Variants in TPO observed in about 807,000 individuals in gnomAD.
TPO encodes thyroid microsomal antigen.
TPO carries 78 observed loss-of-function variants against 96.9 expected under a neutral mutation model. The ratio of observed to expected loss-of-function variants is 0.81; its 90% CI spans 0.67 to 0.97. The LOEUF is 0.97. Among genes scored for constraint, TPO ranks in the 50% least tolerant of loss-of-function variants. TPO has a pLI of 0.00. For synonymous variants in TPO, 547 were observed against 538.0 expected (o/e 1.02, Z -0.23); for missense variants, 1,252 against 1,274.8 (o/e 0.98, Z 0.27).
chr2:1,453,086 C>T (rs943475765), intron 5 of TPO, among the ~76,000 whole-genome samples: 2 of 151,570 alleles, frequency 1.3e-5, no homozygotes, highest in Non-Finnish European at 2.9e-5. Context: ...ACAACTGACT[C>T]TCTCTCTCTC....
upstream of TPO, among the ~76,000 whole-genome samples, chr2:1,409,957 G>T (rs1662304130): frequency 7.2e-6 from 1 of 139,732 alleles, no homozygotes; most frequent in Non-Finnish European, 1.6e-5. Flanking sequence ...GCGGTGGGGG[G>T]CAGGTGTGGT....
chr2:1,447,428 A>G (rs536170637), intron 5 of TPO, among the ~76,000 whole-genome samples: 2 of 152,326 alleles, frequency 1.3e-5, no homozygotes, highest in Admixed American at 1.3e-4. Context: ...ACCAGTGTAC[A>G]TCTTACATGT....
At chr2:1,376,829 T>C (rs1661728765) in intron 1 of TPO, among the ~76,000 whole-genome samples, 1 of 152,170 alleles carries the variant, frequency 6.6e-6, no homozygotes, top group East Asian at 1.9e-4. Flanking sequence ...GCTAAACAAA[T>C]GTAAATAATT....
intron 15 of TPO, among the ~76,000 whole-genome samples, chr2:1,535,859 C>T: frequency 1.8e-5 from 1 of 55,662 alleles, no homozygotes; most frequent in Non-Finnish European, 2.7e-5. Flanking sequence ...CTCCCCGAAT[C>T]CCCCCAACTT....
At chr2:1,528,344 C>A (rs1347467950) in intron 15 of TPO, among the ~76,000 whole-genome samples, 1 of 137,636 alleles carries the variant, frequency 7.3e-6, no homozygotes, top group Non-Finnish European at 1.5e-5. Flanking sequence ...AGTCTGCAAC[C>A]CCCCAAGTCC....
At chr2:1,439,145 C>T (rs1208312951) in intron 5 of TPO, 1 of 348,786 alleles carries the variant, frequency 2.9e-6, no homozygotes, top group Non-Finnish European at 5.2e-6. Context: ...CTGAAAGGCC[C>T]TGCTGCTGTC....
At chr2:1,398,390 G>A (rs2148369685) in intron 1 of TPO, among the ~76,000 whole-genome samples, 1 of 152,246 alleles carries the variant, frequency 6.6e-6, no homozygotes, top group Non-Finnish European at 1.5e-5. Flanking sequence ...TTTCAATCAG[G>A]CCATCTCCCC....
intron 7 of TPO, among the ~76,000 whole-genome samples, chr2:1,464,211 T>C (rs943265114): frequency 9.9e-5 from 15 of 152,174 alleles, no homozygotes; most frequent in African/African-American, 3.4e-4. Context: ...ACCAGGTCTC[T>C]GCAAATGCCA....
intron 7 of TPO, among the ~76,000 whole-genome samples, chr2:1,458,229 G>A (rs894738012): frequency 2.0e-5 from 3 of 151,762 alleles, no homozygotes; most frequent in Non-Finnish European, 4.4e-5. Flanking sequence ...TACTGTGTGG[G>A]CACATGTGTA....
rs540188291 is a variant in TPO, at chr2:1,383,827, G to T, written n.180+9425G>T. 1.3e-4 allele frequency among the ~76,000 whole-genome samples: 20 copies of T among 151,908 alleles called. No homozygotes were observed. The South Asian group carries it at 4.0e-3, about 30-fold the overall frequency. ...CTATGTCCTGAATGGTATTGCCTAG[G>T]TTTTCTTCTAGGTTTTCTTCTAGGT... On this transcript the variant is annotated intron_variant and non_coding_transcript_variant, in intron 1 of 5. Transcript: ENST00000497517.
intron 7 of TPO, among the ~76,000 whole-genome samples, chr2:1,466,064 C>T (rs1668865004): frequency 6.6e-6 from 1 of 152,126 alleles, no homozygotes; most frequent in Non-Finnish European, 1.5e-5. Context: ...TGAGCTATTT[C>T]CCTTGTATGC....
intron 13 of TPO, among the ~76,000 whole-genome samples, chr2:1,497,674 A>G (rs1446890325): frequency 6.6e-6 from 1 of 152,110 alleles, no homozygotes; most frequent in Non-Finnish European, 1.5e-5. Context: ...CTCACCAGCA[A>G]TCTTTAGAAG....
intron 15 of TPO, among the ~76,000 whole-genome samples, chr2:1,538,644 G>A (rs1236114240): frequency 2.6e-5 from 4 of 152,164 alleles, no homozygotes; most frequent in Non-Finnish European, 5.9e-5. Context: ...GACATGCTCT[G>A]TTAAGACATG....
Position 1,485,446 on chromosome 2 carries a change from G to C in TPO, c.1597+592G>C, listed in dbSNP as rs376700949. The stretch of plus-strand genomic sequence containing the variant: ...AGTAATTGGATCGCTGGGTCAAATG[G>C]TATTTCTAGTTCTAGATGCTTGAGG... On this transcript the variant is annotated intron_variant, in intron 9 of 16. Transcript: ENST00000329066. Among the ~76,000 whole-genome samples, 13 of 152,104 alleles carry C rather than the reference G, an allele frequency of 8.5e-5. No individual in the cohort carries two copies. In the East Asian group the frequency reaches 1.7e-3, roughly 20 times the overall value.
At chr2:1,411,792 C>T (rs141020792), upstream of TPO, among the ~76,000 whole-genome samples, 165 of 152,326 alleles carry the variant, frequency 1.1e-3, no homozygotes, top group African/African-American at 3.8e-3. Context: ...TCCCCTCAGA[C>T]TTTCCCACCT....
intron 15 of TPO, 99 bp from the exon 16 acceptor site, chr2:1,540,495 C>G (rs1680607586): frequency 3.1e-6 from 5 of 1,598,426 alleles, no homozygotes; most frequent in Non-Finnish European, 4.2e-6. Flanking sequence ...CTGCCAAAGA[C>G]AAGCACGGCT....
At chr2:1,506,575 T>G (rs1281339973) in intron 14 of TPO, among the ~76,000 whole-genome samples, 1 of 152,242 alleles carries the variant, frequency 6.6e-6, no homozygotes, top group Non-Finnish European at 1.5e-5. Context: ...TGATTGTCAT[T>G]CCAACTGGTG....
At chr2:1,379,516 GC>G (rs1661775631) in intron 1 of TPO, among the ~76,000 whole-genome samples, 2 of 152,140 alleles carry the variant, frequency 1.3e-5, no homozygotes, top group Non-Finnish European at 2.9e-5. Flanking sequence ...TTCACCATAA[GC>G]CCCTCGGCTC....
chr2:1,409,695 A>G (rs1662298314), upstream of TPO, among the ~76,000 whole-genome samples: 1 of 151,986 alleles, frequency 6.6e-6, no homozygotes, highest in Non-Finnish European at 1.5e-5. Flanking sequence ...TGTGCAGCCC[A>G]CGGCCGTCGG....
Sources: allele counts gnomAD v4.1 joint callset (sites outside exome capture counted in the v4.1 genomes callset), GRCh38; gene constraint gnomAD v4.1.1; transcripts MANE v1.5; gene names NCBI Gene and HGNC (gene_info 2026-07-23, HGNC 2026-07-21).